Variants in AK9 observed in about 807,000 individuals in gnomAD.
The protein encoded by AK9 is adenylate kinase 9, also known as adenylate kinase domain containing 1.
AK9 carries 191 observed loss-of-function variants against 239.6 expected under a neutral mutation model. The ratio of observed to expected loss-of-function variants is 0.80; its 90% CI spans 0.71 to 0.90. AK9 has a LOEUF of 0.90. AK9 is among the 40% of genes least tolerant of loss of function. The pLI is 0.00. For missense variants in AK9, 1,995 were observed against 2,214.7 expected (o/e 0.90, Z 1.99); for synonymous variants, 689 against 721.0 (o/e 0.96, Z 0.71).
chr6:109,531,307 C>T (rs756935152), intron 28 of AK9, among the ~76,000 whole-genome samples: 1 of 151,968 alleles, frequency 6.6e-6, no homozygotes, highest in Non-Finnish European at 1.5e-5. Flanking sequence ...ACTGTAGGAG[C>T]GCTGGTGTCA....
intron 29 of AK9, chr6:109,528,282 A>C: frequency 2.9e-6 from 1 of 347,274 alleles, no homozygotes; most frequent in Non-Finnish European, 5.7e-6. Context: ...TTAGCATGAC[A>C]CCTTAAACAG....
At chr6:109,507,895 T>A (rs1237464154) in intron 33 of AK9, among the ~76,000 whole-genome samples, 1 of 152,226 alleles carries the variant, frequency 6.6e-6, no homozygotes, top group East Asian at 1.9e-4. Context: ...ACTCATAGAC[T>A]GCTAAGTGTT....
intron 21 of AK9, among the ~76,000 whole-genome samples, chr6:109,570,250 G>T (rs898240791): frequency 4.0e-5 from 6 of 151,584 alleles, no homozygotes; most frequent in Admixed American, 2.0e-4. Context: ...TGGACACATG[G>T]TTGGGAGCAT....
intron 12 of AK9, among the ~76,000 whole-genome samples, chr6:109,622,376 G>A (rs910944052): frequency 3.1e-4 from 44 of 140,648 alleles, no homozygotes; most frequent in South Asian, 8.8e-4. Context: ...ATACTATATC[G>A]TATAGTATAC....
intron 8 of AK9, among the ~76,000 whole-genome samples, chr6:109,645,439 C>T (rs1303388867): frequency 6.6e-6 from 1 of 152,234 alleles, no homozygotes; most frequent in Non-Finnish European, 1.5e-5. Context: ...CCCATGCCCA[C>T]AGAGCCTTGC....
In AK9 at chr6:109,586,209, T is replaced by A. The variant is rs1583126120; in HGVS notation, c.1843-137A>T. ...AAAAGGAAAAAAAAGGGTGACAATT[T>A]TTAAAGCTAAACTTAATTTTAAAGC... is the stretch of plus-strand genomic sequence containing the variant. On this transcript the variant is annotated intron_variant, in intron 17 of 40. Coordinates refer to ENST00000424296, the MANE Select transcript of AK9 (RefSeq NM_001145128.3). 2.0e-5 allele frequency: 16 copies of A among 815,852 alleles called. No individual in the cohort carries two copies. The East Asian group carries it at 4.6e-4, about 24-fold the overall frequency. The allele number at this position is 815,852 out of a possible 1,614,324, so 50.5% of individuals were successfully genotyped here.
intron 13 of AK9, among the ~76,000 whole-genome samples, chr6:109,616,511 G>A (rs550482508): frequency 9.9e-5 from 15 of 151,118 alleles, no homozygotes; most frequent in Admixed American, 6.0e-4. Context: ...CTGAGTAGCT[G>A]AGTCTACAGG....
rs79646375 is a variant in AK9 at position 109,665,757 on chromosome 6, G to A, written c.332-3094C>T. ...GTTCCAGAGACCATCTATCTCCAGAGTCCTTGCCCTTGCCTTGTAAGCAAA... is the reference window on the plus strand; with the variant it reads ...GTTCCAGAGACCATCTATCTCCAGAATCCTTGCCCTTGCCTTGTAAGCAAA... On this transcript the variant is annotated intron_variant, in intron 5 of 40. Transcript: ENST00000424296. 7.1e-3 allele frequency among the ~76,000 whole-genome samples: 1,078 copies of A among 152,300 alleles called. 8 individuals are homozygous for A. The highest frequency in any genetic ancestry group is 0.012 in the Non-Finnish European group (823 of 68,016).
chr6:109,523,951 A>C (rs1258907424), intron 29 of AK9, among the ~76,000 whole-genome samples: 1 of 152,154 alleles, frequency 6.6e-6, no homozygotes, highest in Non-Finnish European at 1.5e-5. Flanking sequence ...ACAATATAAC[A>C]TTTACAATTC....
At position 109,514,293 on chromosome 6, in the gene AK9, G is replaced by A; in HGVS notation, c.4210C>T (p.Pro1404Ser). ...ATGGGCACAGTAGGCTTAGGTTTGG[G>A]TTGGCGGATATATTTGATTGGGTTC... is the stretch of plus-strand genomic sequence containing the variant. The part of the protein sequence containing the change: ...MKNPIKYIRQ[P>S]KPKPTVPIRI... Residue 1404 changes from proline to serine, a missense_variant, in exon 32 of 41, where the codon CCC becomes TCC. Around this residue, in one of 5 missense-constraint regions of AK9, gnomAD observed 1,290 missense variants for 1,392.7 expected, o/e 0.93. Coordinates refer to ENST00000424296, the MANE Select transcript of AK9 (RefSeq NM_001145128.3). The A allele has an allele frequency of 3.2e-6, 5 of 1,551,786 alleles. No homozygotes were observed. Among genetic ancestry groups the A allele is most frequent in the Non-Finnish European group, 4.4e-6 (5 of 1,146,960 alleles).
chr6:109,616,065 T>C (rs915584033), intron 13 of AK9, among the ~76,000 whole-genome samples: 1 of 152,028 alleles, frequency 6.6e-6, no homozygotes, highest in Admixed American at 6.6e-5. Flanking sequence ...CTGAGACCCC[T>C]GTCTCTGCCA....
At chr6:109,609,991 G>A (rs1434163235) in intron 17 of AK9, among the ~76,000 whole-genome samples, 2 of 151,852 alleles carry the variant, frequency 1.3e-5, no homozygotes, top group Non-Finnish European at 2.9e-5. Flanking sequence ...ATTAACCAGG[G>A]GTCAAAATTT....
intron 8 of AK9, among the ~76,000 whole-genome samples, chr6:109,656,462 T>C (rs938926846): frequency 5.3e-5 from 8 of 152,226 alleles, no homozygotes; most frequent in African/African-American, 1.7e-4. Flanking sequence ...TATAACATAG[T>C]CTTTTAACAT....
At chr6:109,632,546 C>G (rs966067957) in intron 12 of AK9, 2 of 238,268 alleles carry the variant, frequency 8.4e-6, no homozygotes, top group Non-Finnish European at 1.4e-5. Context: ...ACTGAAATCA[C>G]CAAGAATTAG....
chr6:109,533,420 T>A lies in AK9; in HGVS notation c.3401A>T (p.Gln1134Leu). Reference sequence around the variant, plus strand: ...GAAAAATCCACGATCTCCCAAAAACTGGGCCTCTTCTGGATATCGTGGGAA... The same window carrying A: ...GAAAAATCCACGATCTCCCAAAAACAGGGCCTCTTCTGGATATCGTGGGAA... ...DGFPRYPEEA[Q>L]FLGDRGFFPD... Residue 1134 changes from glutamine to leucine, a missense_variant, in exon 28 of 41, where the codon CAG (glutamine) becomes CTG (leucine). Gln to Leu is a moderately radical substitution (Grantham distance 113). This residue lies in a region of AK9 where 1,290 missense variants were observed against 1,392.7 expected (regional missense o/e 0.93). Transcript: ENST00000424296. 6.2e-7 allele frequency: 1 copy of A among 1,611,594 alleles called. No individual in the cohort carries two copies. The highest frequency in any genetic ancestry group is 8.5e-7 in the Non-Finnish European group (1 of 1,179,056).
At chr6:109,659,458 C>T (rs774273985) in intron 6 of AK9, 45 bp from the exon 7 acceptor site, 14 of 1,557,988 alleles carry the variant, frequency 9.0e-6, no homozygotes, top group East Asian at 2.2e-5. Flanking sequence ...TTTGAATATG[C>T]TTTTAATTCC....
chr6:109,500,225 A>G (rs541780448), intron 35 of AK9, among the ~76,000 whole-genome samples: 2 of 152,200 alleles, frequency 1.3e-5, no homozygotes, highest in Admixed American at 1.3e-4. Context: ...GAGAAGGAAA[A>G]CAAACATTTA....
intron 8 of AK9, among the ~76,000 whole-genome samples, chr6:109,647,904 G>T (rs1159378510): frequency 2.0e-5 from 3 of 152,100 alleles, no homozygotes; most frequent in Non-Finnish European, 4.4e-5. Context: ...AGACCACAGT[G>T]CAATCAAACT....
chr6:109,559,564 T>G (rs1207220828), intron 24 of AK9, among the ~76,000 whole-genome samples: 1 of 152,230 alleles, frequency 6.6e-6, no homozygotes, highest in Non-Finnish European at 1.5e-5. Context: ...TTTGCTAAAT[T>G]TATCCCTTCA....
Sources: gnomAD v4.1 joint callset for allele counts (sites outside exome capture counted in the v4.1 genomes callset) on GRCh38, gnomAD v4.1.1 for gene constraint, gnomAD v4.1.1 regional missense constraint, MANE v1.5 for transcripts, NCBI Gene and HGNC (gene_info 2026-07-23, HGNC 2026-07-21) for gene names.